LAMA2: variants seen among roughly 807,000 people sequenced by gnomAD.
LAMA2 encodes the protein laminin subunit alpha-2.
Under a neutral mutation model 364.8 loss-of-function variants are expected in LAMA2, and 269 were observed. The observed-to-expected ratio is 0.74, with a 90% CI of 0.67 to 0.82. LAMA2 has a LOEUF of 0.82. Ranked by LOEUF, LAMA2 falls within the 40% of genes least tolerant of loss-of-function variation. The pLI is 0.00. For synonymous variants in LAMA2, 1,379 were observed against 1,370.6 expected, an observed-to-expected ratio of 1.01 and a Z score of -0.14; for missense variants, 3,807 against 3,873.2, an observed-to-expected ratio of 0.98 and a Z score of 0.45.
At chr6:129,407,439 A>C (rs981893272) in intron 40 of LAMA2, among the ~76,000 whole-genome samples, 2 of 152,232 alleles carry the variant, frequency 1.3e-5, no homozygotes, top group Non-Finnish European at 2.9e-5. Context: ...TAAAGTTAAC[A>C]ACACTTAAAT....
chr6:129,478,608 C>T (rs1246893035), intron 53 of LAMA2, 85 bp from the exon 54 acceptor site: 25 of 1,445,056 alleles, frequency 1.7e-5, no homozygotes, highest in Admixed American at 1.7e-4. Context: ...GTGTCTGCTC[C>T]ACAAGGCTTC....
At chr6:129,412,130 A>G (rs1780568464) in intron 40 of LAMA2, among the ~76,000 whole-genome samples, 1 of 152,236 alleles carries the variant, frequency 6.6e-6, no homozygotes, top group Non-Finnish European at 1.5e-5. Context: ...TTGGAAGTGT[A>G]TATATACACA....
intron 12 of LAMA2, among the ~76,000 whole-genome samples, chr6:129,237,438 G>A (rs928639081): frequency 7.2e-5 from 11 of 152,128 alleles, no homozygotes; most frequent in African/African-American, 2.6e-4. Context: ...CCGGGTTCAA[G>A]TGATTCTCTG....
At chr6:129,345,014 A>G (rs1776466720) in intron 30 of LAMA2, among the ~76,000 whole-genome samples, 1 of 152,160 alleles carries the variant, frequency 6.6e-6, no homozygotes, top group Non-Finnish European at 1.5e-5. Context: ...AGGGGTCAGA[A>G]GGCAAGGCAA....
rs540296386 is a variant in LAMA2 at position 129,205,213 on chromosome 6, C to T, written c.1782+12360C>T. On this transcript the variant is annotated intron_variant, in intron 12 of 64. Transcript: ENST00000421865. ...GACCATCCTGGTTAACATGGTGAAA[C>T]CCCGTCTCTACTAAAAAAAATACAA... Among the ~76,000 whole-genome samples, 179 of 137,200 alleles carry T rather than the reference C, an allele frequency of 1.3e-3. 1 individual carries two copies. The highest frequency in any genetic ancestry group is 5.6e-3 in the African/African-American group (172 of 30,798). The allele number at this position is 137,200 out of a possible 152,430, so 90.0% of individuals were successfully genotyped here. A position where few individuals can be genotyped will look rare whatever the true frequency, so the allele number is the denominator to read the frequency against.
intron 1 of LAMA2, among the ~76,000 whole-genome samples, chr6:128,960,328 C>CTTTTTTTTTTTTTTTTTTT (rs372898589): frequency 7.5e-6 from 1 of 133,214 alleles, no homozygotes. Flanking sequence ...TTTGATTACT[C>CTTTTTTTTTTTTTTTTTTT]TTTTTTTTTT....
intron 14 of LAMA2, 29 bp downstream of exon 14, chr6:129,252,324 T>C (rs1786320311): frequency 1.3e-6 from 2 of 1,556,078 alleles, no homozygotes; most frequent in African/African-American, 1.4e-5. Flanking sequence ...GCTCCAACGT[T>C]CACACATTTA....
intron 4 of LAMA2, among the ~76,000 whole-genome samples, chr6:129,123,456 C>T: frequency 6.6e-6 from 1 of 151,992 alleles, no homozygotes; most frequent in East Asian, 1.9e-4. Context: ...GCATTATTCA[C>T]AATAGTCAAG....
intron 17 of LAMA2, 25 bp downstream of exon 17, chr6:129,270,776 AT>A: frequency 6.2e-7 from 1 of 1,611,248 alleles, no homozygotes; most frequent in Non-Finnish European, 8.5e-7. Flanking sequence ...TACCCCATGA[AT>A]AAGCTCAGCA....
chr6:129,204,515 C>G (rs1025950165), intron 12 of LAMA2, among the ~76,000 whole-genome samples: 1 of 151,668 alleles, frequency 6.6e-6, no homozygotes, highest in Non-Finnish European at 1.5e-5. Flanking sequence ...ATAAACACAC[C>G]GACAGGGTAA....
chr6:129,279,980 G>GA (rs1788607208), intron 17 of LAMA2, 81 bp from the exon 18 acceptor site: 1 of 912,170 alleles, frequency 1.1e-6, no homozygotes, highest in South Asian at 1.3e-5. Flanking sequence ...CAGTAGTGGA[G>GA]AGAGAGAAAT....
At chr6:129,008,791 G>C (rs1424678502) in intron 1 of LAMA2, among the ~76,000 whole-genome samples, 1 of 152,126 alleles carries the variant, frequency 6.6e-6, no homozygotes, top group Non-Finnish European at 1.5e-5. Context: ...GGCAGGACGA[G>C]AGATTACTTT....
At chr6:129,040,020 G>A (rs948980035) in intron 1 of LAMA2, among the ~76,000 whole-genome samples, 5 of 152,188 alleles carry the variant, frequency 3.3e-5, no homozygotes, top group South Asian at 2.1e-4. Context: ...TTTGTGTGGC[G>A]GGGAGCGGTG....
At position 129,328,364 on chromosome 6, in the gene LAMA2, A is replaced by T. The variant is rs374353607; in HGVS notation, c.4263A>T (p.Gln1421His). 2 of 1,614,044 alleles carry T rather than the reference A, an allele frequency of 1.2e-6. No individual in the cohort carries two copies. The highest frequency in any genetic ancestry group is 2.7e-5 in the African/African-American group (2 of 74,934). The change falls in exon 29 of 65, where the codon CAA becomes CAT. Residue 1421 changes from glutamine (Q) to histidine (H), a missense_variant. Gln to His is a conservative substitution (Grantham distance 24). Transcript: ENST00000421865. ...GPTLGTCVPCQCNGHSSLCDP... is the reference protein window; with the variant it reads ...GPTLGTCVPCHCNGHSSLCDP... Reference sequence around the variant, plus strand: ...CCCTGGGCACCTGTGTTCCATGTCAATGTAATGGACACAGCAGCCTGTGTG... The same window carrying T: ...CCCTGGGCACCTGTGTTCCATGTCATTGTAATGGACACAGCAGCCTGTGTG...
At chr6:128,970,712 T>C (rs1049349510) in intron 1 of LAMA2, among the ~76,000 whole-genome samples, 21 of 152,208 alleles carry the variant, frequency 1.4e-4, no homozygotes, top group African/African-American at 4.6e-4. Flanking sequence ...GTCAGGAAGC[T>C]TTTTCTTAAA....
chr6:129,403,478 TGTA>T (rs1780084103), intron 39 of LAMA2, among the ~76,000 whole-genome samples: 2 of 152,330 alleles, frequency 1.3e-5, no homozygotes, highest in South Asian at 4.1e-4. Context: ...ATTCCAGTAA[TGTA>T]GTACAAGTGC....
At chr6:129,079,051 T>A (rs1773855427) in intron 3 of LAMA2, among the ~76,000 whole-genome samples, 1 of 152,200 alleles carries the variant, frequency 6.6e-6, no homozygotes, top group Non-Finnish European at 1.5e-5. Flanking sequence ...TATGGCACAT[T>A]TTTTGTCCAT....
chr6:129,172,827 C>G (rs533114895), intron 9 of LAMA2, among the ~76,000 whole-genome samples: 1 of 152,368 alleles, frequency 6.6e-6, no homozygotes, highest in South Asian at 2.1e-4. Flanking sequence ...CAGCGAGACT[C>G]CATGGGCGTA....
chr6:129,147,690 C>A (rs1033887190), intron 6 of LAMA2, among the ~76,000 whole-genome samples: 1 of 151,964 alleles, frequency 6.6e-6, no homozygotes, highest in African/African-American at 2.4e-5. Flanking sequence ...AAACTCATCT[C>A]CTGTATAGTA....
Sources: gnomAD v4.1 joint callset for allele counts (sites outside exome capture counted in the v4.1 genomes callset) on GRCh38, gnomAD v4.1.1 for gene constraint, MANE v1.5 for transcripts, NCBI Gene and HGNC (gene_info 2026-07-23, HGNC 2026-07-21) for gene names.